RELB: variants seen among roughly 807,000 people sequenced by gnomAD.
RELB encodes the protein RELB proto-oncogene, NF-kB subunit.
RELB carries 14 observed loss-of-function variants against 55.4 expected under a neutral mutation model. That is an observed-to-expected ratio of 0.25 (90% CI 0.17 to 0.40). The LOEUF (loss-of-function observed/expected upper bound fraction) is 0.40. Ranked by LOEUF, RELB falls within the 10% of genes least tolerant of loss-of-function variation. The pLI is 1.00. For synonymous variants in RELB, 409 were observed against 371.3 expected (o/e 1.10, Z -1.17); for missense variants, 669 against 830.7 (o/e 0.81, Z 2.39).
At position 45,025,601 on chromosome 19, in the gene RELB, G is replaced by T; in HGVS notation, c.755-5G>T. On this transcript the variant is annotated splice_region_variant and splice_polypyrimidine_tract_variant and intron_variant, in intron 6 of 11. Transcript: ENST00000221452. ...CCCTCAGCCTCCCCATATCTCCCCC[G>T]ACAGCTGGGTCCCTGAAGAACCATC... 6.2e-7 allele frequency: 1 copy of T among 1,613,316 alleles called. No individual in the cohort carries two copies. Among genetic ancestry groups the T allele is most frequent in the South Asian group, 1.1e-5 (1 of 91,016 alleles).
chr19:45,024,611 A>G (rs1971535418), intron 5 of RELB, among the ~76,000 whole-genome samples: 1 of 151,656 alleles, frequency 6.6e-6, no homozygotes, highest in South Asian at 2.1e-4. Flanking sequence ...GTGCAGTGGC[A>G]TGATCTCATC....
intron 5 of RELB, 101 bp downstream of exon 5, chr19:45,022,311 A>C: frequency 8.4e-7 from 1 of 1,192,972 alleles, no homozygotes; most frequent in Non-Finnish European, 1.2e-6. Flanking sequence ...AGCTTGGGTA[A>C]ACCCTCCCCA....
Position 45,037,904 on chromosome 19 carries a change from G to T in RELB, c.*114G>T. The T allele has an allele frequency of 9.1e-7, 1 of 1,101,560 alleles. No homozygotes were observed. Among genetic ancestry groups the T allele is most frequent in the South Asian group, 2.0e-5 (1 of 50,628 alleles). 68.2% of individuals were successfully genotyped at this position (1,101,560 alleles called of 1,614,324 possible). A position where few individuals can be genotyped will look rare whatever the true frequency, so the allele number is the denominator to read the frequency against. On this transcript the variant is annotated 3_prime_UTR_variant, in exon 12 of 12. Coordinates refer to ENST00000221452, the MANE Select transcript of RELB (RefSeq NM_006509.4). The stretch of plus-strand genomic sequence containing the variant: ...CTTGGCCCTTCCTCATGCTTCTGAA[G>T]TGGACATATTCAGCCTTGGCGAGAA...
At chr19:45,009,360 C>G (rs983283715) in intron 2 of RELB, among the ~76,000 whole-genome samples, 10 of 152,242 alleles carry the variant, frequency 6.6e-5, no homozygotes, top group Non-Finnish European at 1.2e-4. Flanking sequence ...GGATTACAGG[C>G]GTGAGCCACC....
chr19:45,026,146 G>A (rs758696296), intron 7 of RELB, among the ~76,000 whole-genome samples: 7 of 152,160 alleles, frequency 4.6e-5, no homozygotes, highest in Non-Finnish European at 1.0e-4. Context: ...GGAGGCTGAG[G>A]CAGAAGAATT....
chr19:45,019,835 G>T (rs565286606), intron 4 of RELB, among the ~76,000 whole-genome samples: 1 of 152,020 alleles, frequency 6.6e-6, no homozygotes, highest in East Asian at 1.9e-4. Flanking sequence ...GTGCCACCAC[G>T]TGCGGCTAAT....
chr19:45,025,539 C>G, intron 6 of RELB, 67 bp from the exon 7 acceptor site: 2 of 1,599,434 alleles, frequency 1.3e-6, no homozygotes, highest in Non-Finnish European at 1.7e-6. Flanking sequence ...ATCCCTTCCC[C>G]GTTCCCCTGT....
intron 11 of RELB, among the ~76,000 whole-genome samples, chr19:45,036,229 T>A (rs1971684726): frequency 6.6e-6 from 1 of 152,030 alleles, no homozygotes; most frequent in South Asian, 2.1e-4. Flanking sequence ...CCCACCACCA[T>A]GCCCTGCTAA....
intron 8 of RELB, 95 bp from the exon 9 acceptor site, chr19:45,032,439 G>T (rs1021515683): frequency 2.9e-6 from 3 of 1,031,370 alleles, no homozygotes; most frequent in Non-Finnish European, 4.3e-6. Context: ...TTAAAAAGGG[G>T]GAATATTAGT....
At chr19:45,010,200 G>C (rs11882952) in intron 3 of RELB, among the ~76,000 whole-genome samples, 4,475 of 151,324 alleles carry the variant, frequency 0.03, 217 homozygotes, top group African/African-American at 0.1. Context: ...CTGCTCAGGA[G>C]GCTGAAGTGG....
At chr19:45,017,271 G>A (rs1971430104) in intron 4 of RELB, among the ~76,000 whole-genome samples, 1 of 152,044 alleles carries the variant, frequency 6.6e-6, no homozygotes, top group Admixed American at 6.6e-5. Flanking sequence ...GTTTTTATTT[G>A]CTGCTGCCTG....
At position 45,038,109 on chromosome 19, in the gene RELB, T is replaced by G; in HGVS notation, c.*319T>G. ...TGTACATATGGGAGGAGGGGGCAGA[T>G]TCCTGGCCCTCCCTCCCCAGACTTG... On this transcript the variant is annotated 3_prime_UTR_variant, in exon 12 of 12. Coordinates refer to ENST00000221452, the MANE Select transcript of RELB (RefSeq NM_006509.4). 1.1e-5 allele frequency: 3 copies of G among 271,350 alleles called. No homozygotes were observed. The highest frequency in any genetic ancestry group is 1.4e-5 in the Non-Finnish European group (2 of 145,172). The allele number at this position is 271,350 out of a possible 1,614,324, so 16.8% of individuals were successfully genotyped here. A position where few individuals can be genotyped will look rare whatever the true frequency, so the allele number is the denominator to read the frequency against.
rs1555727965 is a variant in RELB, at chr19:45,034,444, C to G, written c.1277-7C>G. 2 of 1,611,940 alleles carry G rather than the reference C, an allele frequency of 1.2e-6. No individual in the cohort carries two copies. The highest frequency in any genetic ancestry group is 2.2e-5 in the East Asian group (1 of 44,794). On this transcript the variant is annotated splice_region_variant and splice_polypyrimidine_tract_variant and intron_variant, in intron 10 of 11. Coordinates refer to ENST00000221452, the MANE Select transcript of RELB (RefSeq NM_006509.4). ...GAACAGGGGTCCTCATCTCTGCCTT[C>G]CCTCAGACCCCCATGGCATCGAGAG...
chr19:45,035,028 G>A (rs74212217), intron 11 of RELB, among the ~76,000 whole-genome samples: 1 of 151,684 alleles, frequency 6.6e-6, no homozygotes, highest in African/African-American at 2.4e-5. Flanking sequence ...TTTTAGTAGA[G>A]ACGGTGTTTT....
intron 4 of RELB, among the ~76,000 whole-genome samples, chr19:45,012,758 A>AG (rs1448721771): frequency 2.0e-5 from 3 of 150,822 alleles, no homozygotes; most frequent in Non-Finnish European, 4.4e-5. Context: ...AAAAAAAAAA[A>AG]GAAGGCAGAT....
intron 2 of RELB, among the ~76,000 whole-genome samples, chr19:45,007,073 A>T (rs1971291095): frequency 1.3e-5 from 2 of 152,000 alleles, no homozygotes; most frequent in African/African-American, 4.8e-5. Context: ...CTAGGATGTG[A>T]CGTTTGACCA....
intron 5 of RELB, among the ~76,000 whole-genome samples, chr19:45,023,395 TC>T (rs1971513446): frequency 7.2e-6 from 1 of 138,872 alleles, no homozygotes; most frequent in Admixed American, 7.4e-5. Flanking sequence ...CAGTTTTCTT[TC>T]CTTCCTTCCT....
chr19:45,012,667 G>T lies in RELB; in HGVS notation c.504+391G>T, dbSNP rs115613852. Among the ~76,000 whole-genome samples the T allele has an allele frequency of 7.1e-3, 1,078 of 151,470 alleles. 11 individuals carry two copies. Among genetic ancestry groups the T allele is most frequent in the African/African-American group, 0.024 (970 of 41,234 alleles). On this transcript the variant is annotated intron_variant, in intron 4 of 11. Coordinates refer to ENST00000221452, the MANE Select transcript of RELB (RefSeq NM_006509.4). The stretch of plus-strand genomic sequence containing the variant: ...GGGAGGATTAGCTGAGCCCAGGGAG[G>T]TGCAGGCTGCTGTGAGCTGAGATTG...
At chr19:45,009,471 T>C (rs1971323095) in intron 2 of RELB, among the ~76,000 whole-genome samples, 1 of 152,146 alleles carries the variant, frequency 6.6e-6, no homozygotes. Context: ...GTTTGGAAAT[T>C]TGGGCATCCA....
Sources: gnomAD v4.1 joint callset for allele counts (sites outside exome capture counted in the v4.1 genomes callset) on GRCh38, gnomAD v4.1.1 for gene constraint, MANE v1.5 for transcripts, NCBI Gene and HGNC (gene_info 2026-07-23, HGNC 2026-07-21) for gene names.